Variants in COMMD10 observed in about 807,000 individuals in gnomAD.
The protein encoded by COMMD10 is COMM domain-containing protein 10.
A neutral mutation model predicts 28.9 loss-of-function variants in COMMD10; 33 were observed. The ratio of observed to expected loss-of-function variants is 1.14; its 90% CI spans 0.87 to 1.53. COMMD10 has a LOEUF of 1.53. Ranked by LOEUF, COMMD10 falls within the 40% of genes most tolerant of loss-of-function variation. The pLI, the probability that COMMD10 is intolerant of heterozygous loss-of-function variation, is 0.00. For missense variants in COMMD10, 310 were observed against 233.4 expected (o/e 1.33, Z -2.14); for synonymous variants, 110 against 81.7 (o/e 1.35, Z -1.87).
intron 5 of COMMD10, among the ~76,000 whole-genome samples, chr5:116,139,117 AATTGTAATATG>A (rs1316534783): frequency 6.6e-6 from 1 of 151,732 alleles, no homozygotes; most frequent in Non-Finnish European, 1.5e-5. Flanking sequence ...TAGCAGTTGA[AATTGTAATATG>A]TGTATATGTT....
chr5:116,199,627 C>T (rs1748612458), intron 5 of COMMD10, among the ~76,000 whole-genome samples: 1 of 152,146 alleles, frequency 6.6e-6, no homozygotes, highest in Non-Finnish European at 1.5e-5. Flanking sequence ...AATGCTCCCT[C>T]TTTATGTAGA....
chr5:116,223,195 G>T (rs1281170129), intron 5 of COMMD10, among the ~76,000 whole-genome samples: 3 of 151,414 alleles, frequency 2.0e-5, no homozygotes, highest in Admixed American at 2.0e-4. Flanking sequence ...TTCTATATTG[G>T]ATTTTTTTTT....
intron 5 of COMMD10, among the ~76,000 whole-genome samples, chr5:116,136,300 T>C (rs1752022806): frequency 6.6e-6 from 1 of 152,188 alleles, no homozygotes; most frequent in South Asian, 2.1e-4. Flanking sequence ...AGGTGTAGGA[T>C]GATGATCTGG....
At chr5:116,089,043 A>T (rs974818045) in intron 2 of COMMD10, among the ~76,000 whole-genome samples, 1 of 152,222 alleles carries the variant, frequency 6.6e-6, no homozygotes, top group Admixed American at 6.5e-5. Flanking sequence ...TCTATAATAT[A>T]TTCCTTTTTC....
At chr5:116,108,841 T>C (rs1159976494) in intron 4 of COMMD10, among the ~76,000 whole-genome samples, 2 of 152,114 alleles carry the variant, frequency 1.3e-5, no homozygotes, top group Non-Finnish European at 2.9e-5. Context: ...CCCGAGGGAA[T>C]CTCCTGGTCT....
At chr5:116,116,709 T>TC (rs1182000715) in intron 4 of COMMD10, among the ~76,000 whole-genome samples, 2,695 of 40,298 alleles carry the variant, frequency 0.067, 153 homozygotes, top group African/African-American at 0.09. Flanking sequence ...AGAGATTTTT[T>TC]TTTTTTTTTT....
At chr5:116,151,689 G>A (rs1752534151) in intron 5 of COMMD10, among the ~76,000 whole-genome samples, 1 of 152,016 alleles carries the variant, frequency 6.6e-6, no homozygotes, top group African/African-American at 2.4e-5. Flanking sequence ...TATTTCTGTG[G>A]GATCGGTGGT....
intron 5 of COMMD10, among the ~76,000 whole-genome samples, chr5:116,176,627 C>G (rs1753522363): frequency 6.6e-6 from 1 of 151,948 alleles, no homozygotes; most frequent in Non-Finnish European, 1.5e-5. Context: ...GTCTTAAATT[C>G]TGTTTTCTGA....
At chr5:116,135,588 GA>G (rs1752002011) in intron 5 of COMMD10, among the ~76,000 whole-genome samples, 1 of 152,154 alleles carries the variant, frequency 6.6e-6, no homozygotes, top group Non-Finnish European at 1.5e-5. Flanking sequence ...ACTGCCGTTT[GA>G]AATAGGTGAG....
At chr5:116,181,015 A>C (rs1459674860) in intron 5 of COMMD10, among the ~76,000 whole-genome samples, 1 of 152,048 alleles carries the variant, frequency 6.6e-6, no homozygotes, top group Non-Finnish European at 1.5e-5. Flanking sequence ...ATGATGACAC[A>C]CACCTGTAGT....
intron 4 of COMMD10, among the ~76,000 whole-genome samples, chr5:116,111,588 T>C (rs527403711): frequency 9.2e-5 from 14 of 152,312 alleles, no homozygotes; most frequent in African/African-American, 3.1e-4. Context: ...AGAGTTTTTC[T>C]TGATATTGAT....
rs537450720 is a variant in COMMD10 at position 116,273,888 on chromosome 5, G to T, written c.511-17629G>T. ...TATTATTAATAAACTACAGAAAAGA[G>T]AAAATTTGAGGGTACAATTTACTTT... On this transcript the variant is annotated intron_variant, in intron 5 of 6. Transcript: ENST00000274458. Among the ~76,000 whole-genome samples, 131 of 151,646 alleles carry T rather than the reference G, an allele frequency of 8.6e-4. 1 individual carries two copies. Among genetic ancestry groups the T allele is most frequent in the Non-Finnish European group, 1.5e-3 (100 of 67,962 alleles).
chr5:116,230,488 T>A (rs1488052425), intron 5 of COMMD10, among the ~76,000 whole-genome samples: 1 of 152,056 alleles, frequency 6.6e-6, no homozygotes, highest in Non-Finnish European at 1.5e-5. Context: ...ACCTCATAGA[T>A]TTCTAATAAA....
Position 116,261,853 on chromosome 5 carries a change from C to A in COMMD10, c.511-29664C>A, listed in dbSNP as rs548127502. ...TCAACCTTTGGTTCCACTGGCCAGC[C>A]ATTCTTAACTGTTTCGGTTTCAGAA... On this transcript the variant is annotated intron_variant, in intron 5 of 6. Coordinates refer to ENST00000274458, the MANE Select transcript of COMMD10 (RefSeq NM_016144.4). 1.5e-3 allele frequency among the ~76,000 whole-genome samples: 224 copies of A among 151,842 alleles called. 2 individuals are homozygous for A. Among genetic ancestry groups the A allele is most frequent in the Non-Finnish European group, 2.1e-3 (140 of 67,928 alleles).
At chr5:116,218,076 C>A in intron 5 of COMMD10, 1 of 1,247,096 alleles carries the variant, frequency 8.0e-7, no homozygotes, top group South Asian at 1.2e-5. Context: ...GTTTTGACAT[C>A]TCCATTTTCT....
intron 5 of COMMD10, among the ~76,000 whole-genome samples, chr5:116,177,691 C>G (rs983568751): frequency 6.6e-6 from 1 of 152,040 alleles, no homozygotes; most frequent in African/African-American, 2.4e-5. Flanking sequence ...CATATTTTGT[C>G]CCTTCTCTTC....
chr5:116,249,259 G>T (rs764011292), intron 5 of COMMD10, among the ~76,000 whole-genome samples: 2 of 151,788 alleles, frequency 1.3e-5, no homozygotes, highest in Non-Finnish European at 2.9e-5. Flanking sequence ...CAGGATTGAG[G>T]TATGCCCTCA....
intron 5 of COMMD10, among the ~76,000 whole-genome samples, chr5:116,270,171 A>G (rs922295247): frequency 6.6e-6 from 1 of 151,816 alleles, no homozygotes. Flanking sequence ...TACTAAAGGG[A>G]AGGAGATGGG....
chr5:116,191,655 T>G (rs1310233145), intron 5 of COMMD10, among the ~76,000 whole-genome samples: 1 of 151,404 alleles, frequency 6.6e-6, no homozygotes, highest in Admixed American at 6.6e-5. Context: ...AAGGAGAGTC[T>G]GAGCTCAGAC....
Sources: allele counts gnomAD v4.1 joint callset (sites outside exome capture counted in the v4.1 genomes callset), GRCh38; gene constraint gnomAD v4.1.1; transcripts MANE v1.5; gene names NCBI Gene and HGNC (gene_info 2026-07-23, HGNC 2026-07-21).